Variants in ITGA11 observed in about 807,000 individuals in gnomAD.
ITGA11 encodes integrin subunit alpha 11.
In ITGA11, 97 loss-of-function variants were observed where a neutral mutation model predicts 141.9. The ratio of observed to expected loss-of-function variants is 0.68; its 90% confidence interval spans 0.58 to 0.81. The LOEUF is 0.81. Ranked by LOEUF, ITGA11 falls within the 30% of genes least tolerant of loss-of-function variation. The pLI is 0.00. For synonymous variants in ITGA11, 658 were observed against 624.6 expected, an observed-to-expected ratio of 1.05 and a Z score of -0.80; for missense variants, 1,387 against 1,559.2, an observed-to-expected ratio of 0.89 and a Z score of 1.86.
At chr15:68,389,357 T>C (rs1365525600) in intron 2 of ITGA11, among the ~76,000 whole-genome samples, 2 of 152,270 alleles carry the variant, frequency 1.3e-5, no homozygotes, top group Non-Finnish European at 2.9e-5. Context: ...ATACACTTAG[T>C]GCTGGGCCCT....
In ITGA11 at chr15:68,325,386, T is replaced by C; in HGVS notation, c.2212-145A>G. On this transcript the variant is annotated intron_variant, in intron 17 of 29. Transcript: ENST00000315757. The surrounding 1 kb of genome is among the most constrained non-coding windows in gnomAD (Gnocchi z 5.5). ...CCCTCAGGGTGAGTCTGCAGGTGGA[T>C]GGAGGTTTCTAGCGGGTCTGTTGGT... The C allele has an allele frequency of 1.6e-6, 1 of 640,568 alleles. No individual in the cohort carries two copies. Among genetic ancestry groups the C allele is most frequent in the South Asian group, 1.8e-5 (1 of 55,350 alleles). 39.7% of individuals were successfully genotyped at this position (640,568 alleles called of 1,614,324 possible). A position where few individuals can be genotyped will look rare whatever the true frequency, so the allele number is the denominator to read the frequency against.
rs1180227142 is a variant in ITGA11 at position 68,335,111 on chromosome 15, G to C, written c.1425+586C>G. 6.6e-6 allele frequency among the ~76,000 whole-genome samples: 1 copy of C among 152,194 alleles called. No individual in the cohort carries two copies. The highest frequency in any genetic ancestry group is 1.5e-5 in the Non-Finnish European group (1 of 68,038). ...CATGGAAGGGCCTGGACAGCACTCAGCTCTGGCCTAGAGAGGGCACAGATG... is the reference window on the plus strand; with the variant it reads ...CATGGAAGGGCCTGGACAGCACTCACCTCTGGCCTAGAGAGGGCACAGATG... On this transcript the variant is annotated intron_variant, in intron 12 of 29. Transcript: ENST00000315757. The surrounding 1 kb of genome is among the most constrained non-coding windows in gnomAD (Gnocchi z 4.9).
chr15:68,405,923 CAG>C (rs1896642279), intron 1 of ITGA11, among the ~76,000 whole-genome samples: 1 of 152,190 alleles, frequency 6.6e-6, no homozygotes, highest in Non-Finnish European at 1.5e-5. Context: ...CACACACACA[CAG>C]ACACACACAT....
intron 1 of ITGA11, among the ~76,000 whole-genome samples, chr15:68,418,279 G>T (rs1007876180): frequency 6.6e-6 from 1 of 152,206 alleles, no homozygotes; most frequent in African/African-American, 2.4e-5. Flanking sequence ...AAAATGAATA[G>T]AAGTATTCAG....
intron 1 of ITGA11, among the ~76,000 whole-genome samples, chr15:68,425,097 C>T (rs1346493879): frequency 3.3e-5 from 5 of 152,190 alleles, no homozygotes; most frequent in African/African-American, 4.8e-5. Flanking sequence ...GCTTAGTGGG[C>T]GCTCAGCACA....
chr15:68,383,732 A>C (rs1223405966), intron 2 of ITGA11, among the ~76,000 whole-genome samples: 1 of 152,224 alleles, frequency 6.6e-6, no homozygotes, highest in Non-Finnish European at 1.5e-5. Flanking sequence ...CTCAAGATAC[A>C]GGGAATTTCA....
intron 1 of ITGA11, among the ~76,000 whole-genome samples, chr15:68,431,271 GGC>G (rs1344176225): frequency 2.0e-5 from 3 of 152,108 alleles, no homozygotes; most frequent in Non-Finnish European, 4.4e-5. Flanking sequence ...ATTAGGCGGC[GGC>G]GCGCGTCTAG....
rs531878909 is a variant in ITGA11 at position 68,420,487 on chromosome 15, T to G, written c.52+11528A>C. Among the ~76,000 whole-genome samples the G allele has an allele frequency of 6.6e-5, 10 of 152,320 alleles. No individual in the cohort carries two copies. The South Asian group carries it at 2.1e-3, about 32-fold the overall frequency. Reference sequence around the variant, plus strand: ...CCTCGCTCTGCCCATTTGTAAGCGATGCTCAATGGCCACCAACCTCTTCTT... The same window carrying G: ...CCTCGCTCTGCCCATTTGTAAGCGAGGCTCAATGGCCACCAACCTCTTCTT... On this transcript the variant is annotated intron_variant, in intron 1 of 29. Transcript: ENST00000315757.
chr15:68,394,108 C>A (rs1047848854), intron 2 of ITGA11, among the ~76,000 whole-genome samples: 1 of 152,144 alleles, frequency 6.6e-6, no homozygotes, highest in African/African-American at 2.4e-5. Context: ...ACTAGAAAAT[C>A]TAGAGGAAAC....
At chr15:68,357,114 A>G in intron 7 of ITGA11, 37 bp downstream of exon 7, 1 of 1,598,942 alleles carries the variant, frequency 6.3e-7, no homozygotes, top group Non-Finnish European at 8.5e-7. Flanking sequence ...AGCATCTGAG[A>G]TCTAAAAAAA....
In ITGA11 at chr15:68,313,788, A is replaced by G. The variant is rs1893476709; in HGVS notation, c.2873T>C (p.Leu958Pro). The change falls in exon 23 of 30, where the codon CTC (leucine) becomes CCC (proline). Residue 958 changes from leucine to proline, a missense_variant. Transcript: ENST00000315757. Reference sequence around the variant, plus strand: ...CCGGAGCCCGGCCCACCTGGTGAAGAGGACGTCAGCCTCGTATTTGAGGTG... The same window carrying G: ...CCGGAGCCCGGCCCACCTGGTGAAGGGGACGTCAGCCTCGTATTTGAGGTG... ...RFHLKYEADV[L>P]FTRSSSLSHY... is the part of the protein sequence containing the mutation. 3 of 1,613,644 alleles carry G rather than the reference A, an allele frequency of 1.9e-6. No homozygotes were observed. The highest frequency in any genetic ancestry group is 2.2e-5 in the South Asian group (2 of 91,012).
intron 2 of ITGA11, among the ~76,000 whole-genome samples, chr15:68,391,787 G>A (rs907025310): frequency 3.9e-5 from 6 of 152,138 alleles, no homozygotes; most frequent in Non-Finnish European, 7.4e-5. Context: ...CTCCCTAACT[G>A]GTCTGTGACT....
At chr15:68,368,380 T>C (rs1179001153) in intron 3 of ITGA11, among the ~76,000 whole-genome samples, 1 of 152,254 alleles carries the variant, frequency 6.6e-6, no homozygotes, top group African/African-American at 2.4e-5. Context: ...AGCTGCTGTC[T>C]GACCTTTAGG....
chr15:68,431,283 G>A lies in ITGA11; in HGVS notation c.52+732C>T, dbSNP rs554601688. ...TGCATTAGGCGGCGGCGCGCGTCTA[G>A]GCGACGGCGGCTTTCCCCAGATTAT... is the stretch of plus-strand genomic sequence containing the variant. On this transcript the variant is annotated intron_variant, in intron 1 of 29. Transcript: ENST00000315757. Among the ~76,000 whole-genome samples, 329 of 152,320 alleles carry A rather than the reference G, an allele frequency of 2.2e-3. 2 individuals carry two copies. The highest frequency in any genetic ancestry group is 0.015 in the South Asian group (74 of 4,832).
intron 5 of ITGA11, among the ~76,000 whole-genome samples, chr15:68,359,997 G>A (rs1038807457): frequency 1.3e-5 from 2 of 152,244 alleles, no homozygotes; most frequent in Non-Finnish European, 2.9e-5. Flanking sequence ...AGAGGAAGGT[G>A]GGGGTGGCTT....
At chr15:68,381,321 C>G (rs1895856544) in intron 2 of ITGA11, among the ~76,000 whole-genome samples, 2 of 152,134 alleles carry the variant, frequency 1.3e-5, no homozygotes, top group Admixed American at 1.3e-4. Flanking sequence ...CAGGTGATCA[C>G]CAGGCTTTAA....
At chr15:68,320,450 GA>G (rs1595857158) in intron 19 of ITGA11, 58 bp from the exon 20 acceptor site, 6 of 1,475,082 alleles carry the variant, frequency 4.1e-6, no homozygotes, top group Non-Finnish European at 5.5e-6. Flanking sequence ...CAGGGGTAGA[GA>G]GGAGCCCCAG....
intron 3 of ITGA11, among the ~76,000 whole-genome samples, chr15:68,366,472 G>A (rs1435311479): frequency 6.6e-6 from 1 of 152,128 alleles, no homozygotes; most frequent in Non-Finnish European, 1.5e-5. Flanking sequence ...GCGGCTCCAT[G>A]CTCCACTGGG....
intron 11 of ITGA11, among the ~76,000 whole-genome samples, chr15:68,336,580 G>A (rs185118500): frequency 6.6e-6 from 1 of 152,288 alleles, no homozygotes; most frequent in Non-Finnish European, 1.5e-5. Flanking sequence ...CAGTACCCAG[G>A]AAGCAAATGT....
Sources: gnomAD v4.1 joint callset for allele counts (sites outside exome capture counted in the v4.1 genomes callset) on GRCh38, gnomAD v4.1.1 for gene constraint, Gnocchi (gnomAD v3.1) non-coding constraint, MANE v1.5 for transcripts, NCBI Gene and HGNC (gene_info 2026-07-23, HGNC 2026-07-21) for gene names.